Variants in DRC11 observed in about 807,000 individuals in gnomAD.
The protein encoded by DRC11 is IQ and AAA domain-containing protein 1.
chr2:236,448,622 C>T, the DRC11 span, among the ~76,000 whole-genome samples: 1 of 152,054 alleles, frequency 6.6e-6, no homozygotes, highest in African/African-American at 2.4e-5. The surrounding 1 kb of genome is among the most constrained non-coding windows in gnomAD (Gnocchi z 5.3). Flanking sequence ...AGGCATGAGC[C>T]ACCATGCCTG....
the DRC11 span, chr2:236,412,691 T>G: frequency 6.6e-6 from 1 of 152,278 alleles, no homozygotes; most frequent in South Asian, 2.1e-4. Context: ...CTTTGTGGTA[T>G]CTCTTGCATC....
At chr2:236,499,318 C>G in the DRC11 span, among the ~76,000 whole-genome samples, 1 of 152,236 alleles carries the variant, frequency 6.6e-6, no homozygotes, top group Non-Finnish European at 1.5e-5. This position sits in a 1 kb window ranked among gnomAD's most constrained non-coding sequence, Gnocchi z 4.7. Context: ...CACCTGGCTT[C>G]CCAGGGAAAC....
At chr2:236,370,451 G>T in the DRC11 span, among the ~76,000 whole-genome samples, 1 of 152,174 alleles carries the variant, frequency 6.6e-6, no homozygotes, top group African/African-American at 2.4e-5. The surrounding 1 kb of genome is among the most constrained non-coding windows in gnomAD (Gnocchi z 5.5). Flanking sequence ...CCTTGAGCCT[G>T]GGAGGAGAGA....
the DRC11 span, among the ~76,000 whole-genome samples, chr2:236,308,848 C>T: frequency 2.0e-5 from 3 of 152,184 alleles, no homozygotes; most frequent in African/African-American, 7.2e-5. The surrounding 1 kb of genome is among the most constrained non-coding windows in gnomAD (Gnocchi z 6.0). Flanking sequence ...ACACTGTGCC[C>T]CATAAATATG....
chr2:236,474,246 A>C, the DRC11 span, among the ~76,000 whole-genome samples: 26,258 of 152,130 alleles, frequency 0.17, 2,510 homozygotes, highest in Non-Finnish European at 0.22. Context: ...AGTCACATTG[A>C]ATACAAAACA....
chr2:236,446,234 C>T, the DRC11 span, among the ~76,000 whole-genome samples: 55 of 152,248 alleles, frequency 3.6e-4, no homozygotes, highest in Admixed American at 1.8e-3. The surrounding 1 kb of genome is among the most constrained non-coding windows in gnomAD (Gnocchi z 6.2). Context: ...AAGGAAGCTG[C>T]GAGGTGATGA....
the DRC11 span, among the ~76,000 whole-genome samples, chr2:236,357,681 TACA>T: frequency 0.16 from 20,642 of 125,294 alleles, 1,988 homozygotes; most frequent in Non-Finnish European, 0.22. Context: ...AATATATATT[TACA>T]ATATGTAAAT....
the DRC11 span, among the ~76,000 whole-genome samples, chr2:236,345,489 C>A: frequency 6.6e-6 from 1 of 152,254 alleles, no homozygotes. Context: ...CCGCCTCTGG[C>A]CGTTCCCGGG....
the DRC11 span, chr2:236,332,343 A>C: frequency 6.6e-6 from 1 of 152,258 alleles, no homozygotes; most frequent in African/African-American, 2.4e-5. The surrounding 1 kb of genome is among the most constrained non-coding windows in gnomAD (Gnocchi z 5.1). Context: ...GAACTCCTGT[A>C]CAATCCTTAA....
the DRC11 span, among the ~76,000 whole-genome samples, chr2:236,378,756 C>T: frequency 2.4e-4 from 36 of 152,098 alleles, no homozygotes; most frequent in African/African-American, 7.2e-4. Context: ...GATGGGACTC[C>T]GAGGCCCCTC....
At chr2:236,354,684 C>G in the DRC11 span, among the ~76,000 whole-genome samples, 7 of 152,182 alleles carry the variant, frequency 4.6e-5, no homozygotes, top group Non-Finnish European at 1.0e-4. Context: ...CTGGTCCCGC[C>G]TTGTCCCCAC....
At chr2:236,401,482 C>T in the DRC11 span, among the ~76,000 whole-genome samples, 3 of 152,100 alleles carry the variant, frequency 2.0e-5, no homozygotes, top group Non-Finnish European at 2.9e-5. This position sits in a 1 kb window ranked among gnomAD's most constrained non-coding sequence, Gnocchi z 4.6. Flanking sequence ...GGCCTGTGTG[C>T]GACATTTGCT....
chr2:236,472,948 C>G, the DRC11 span, among the ~76,000 whole-genome samples: 1 of 152,206 alleles, frequency 6.6e-6, no homozygotes, highest in South Asian at 2.1e-4. This position sits in a 1 kb window ranked among gnomAD's most constrained non-coding sequence, Gnocchi z 4.6. Flanking sequence ...GAAACTCACA[C>G]TCGTTTCCAA....
chr2:236,359,693 A>G, the DRC11 span, among the ~76,000 whole-genome samples: 1 of 152,178 alleles, frequency 6.6e-6, no homozygotes, highest in African/African-American at 2.4e-5. The surrounding 1 kb of genome is among the most constrained non-coding windows in gnomAD (Gnocchi z 4.3). Context: ...GTACCAGCAC[A>G]AGCATCCTGT....
chr2:236,314,898 T>C, the DRC11 span, among the ~76,000 whole-genome samples: 3 of 152,208 alleles, frequency 2.0e-5, no homozygotes, highest in Non-Finnish European at 4.4e-5. The surrounding 1 kb of genome is among the most constrained non-coding windows in gnomAD (Gnocchi z 4.5). Context: ...AGATTCAATA[T>C]AATTTACATT....
At chr2:236,350,682 C>A in the DRC11 span, among the ~76,000 whole-genome samples, 14 of 152,334 alleles carry the variant, frequency 9.2e-5, no homozygotes. The surrounding 1 kb of genome is among the most constrained non-coding windows in gnomAD (Gnocchi z 5.2). Flanking sequence ...CTTGCATGGA[C>A]CAGGCGGCCG....
chr2:236,441,379 C>A, the DRC11 span, among the ~76,000 whole-genome samples: 1 of 150,868 alleles, frequency 6.6e-6, no homozygotes, highest in Non-Finnish European at 1.5e-5. Flanking sequence ...TTTTTTTCCT[C>A]CTTTTTTTTT....
At chr2:236,503,812 C>T in the DRC11 span, 1 of 960,962 alleles carries the variant, frequency 1.0e-6, no homozygotes, top group Non-Finnish European at 1.6e-6. This position sits in a 1 kb window ranked among gnomAD's most constrained non-coding sequence, Gnocchi z 4.9. Context: ...CCTGGGGAGC[C>T]CCCACTTTGC....
the DRC11 span, chr2:236,408,356 G>A: frequency 1.3e-6 from 1 of 761,764 alleles, no homozygotes. The surrounding 1 kb of genome is among the most constrained non-coding windows in gnomAD (Gnocchi z 5.5). Context: ...TTGCAGGGTA[G>A]CTTCTTGGTG....
Sources: gnomAD v4.1 joint callset for allele counts (sites outside exome capture counted in the v4.1 genomes callset) on GRCh38, gnomAD v4.1.1 for gene constraint, Gnocchi (gnomAD v3.1) non-coding constraint, MANE v1.5 for transcripts, NCBI Gene and HGNC (gene_info 2026-07-23, HGNC 2026-07-21) for gene names.